The following PDE3B variants were observed in gnomAD, a reference collection of about 807,000 sequenced individuals.
PDE3B encodes the protein phosphodiesterase 3B, also known as cGMP-inhibited 3',5'-cyclic phosphodiesterase 3B.
Under a neutral mutation model 116.8 loss-of-function variants are expected in PDE3B, and 66 were observed. The ratio of observed to expected loss-of-function variants is 0.56; its 90% confidence interval spans 0.46 to 0.69. The LOEUF is 0.69. PDE3B is among the 30% of genes least tolerant of loss of function. PDE3B has a pLI of 0.00. For missense variants in PDE3B, 1,384 were observed against 1,368.1 expected (o/e 1.01, Z -0.18); for synonymous variants, 595 against 533.6 (o/e 1.12, Z -1.59).
intron 1 of PDE3B, among the ~76,000 whole-genome samples, chr11:14,761,848 C>A (rs1857367589): frequency 6.6e-6 from 1 of 151,692 alleles, no homozygotes; most frequent in Non-Finnish European, 1.5e-5. Flanking sequence ...ATAAAAATCC[C>A]AAATAAAAAT....
In PDE3B at chr11:14,789,241, A is replaced by G. The variant is rs776178880; in HGVS notation, c.1414A>G (p.Ser472Gly). The G allele has an allele frequency of 1.9e-6, 3 of 1,602,392 alleles. No individual in the cohort carries two copies. The highest frequency in any genetic ancestry group is 2.6e-6 in the Non-Finnish European group (3 of 1,174,720). The change falls in exon 4 of 16, where the codon AGT (serine) becomes GGT (glycine). Residue 472 changes from serine to glycine, a missense_variant and splice_region_variant. Around this residue, in one of 2 missense-constraint regions of PDE3B, gnomAD observed 956 missense variants for 806.8 expected, o/e 1.18. Transcript: ENST00000282096. ...KRPHQEFGIS[S>G]QGCYLNGPFN... ...ACCTCACCAAGAATTTGGCATTTCA[A>G]GGTAAAATCTGCAGAGCCTTTTAAG...
intron 12 of PDE3B, among the ~76,000 whole-genome samples, chr11:14,857,938 C>T (rs1847879265): frequency 6.6e-6 from 1 of 152,166 alleles, no homozygotes; most frequent in African/African-American, 2.4e-5. Flanking sequence ...TCGAAGCTTA[C>T]TCTTTCTGTT....
intron 1 of PDE3B, among the ~76,000 whole-genome samples, chr11:14,760,396 T>C (rs962864027): frequency 6.6e-6 from 1 of 152,202 alleles, no homozygotes; most frequent in Non-Finnish European, 1.5e-5. Context: ...CTAGATGCTA[T>C]AATCAAAGTA....
At chr11:14,645,710 T>G (rs2133739786) in intron 1 of PDE3B, among the ~76,000 whole-genome samples, 1 of 152,358 alleles carries the variant, frequency 6.6e-6, no homozygotes, top group Middle Eastern at 3.4e-3. Context: ...ACTTTAAACT[T>G]GGTAATTCCT....
At chr11:14,765,490 A>T (rs569837601) in intron 1 of PDE3B, among the ~76,000 whole-genome samples, 5 of 152,062 alleles carry the variant, frequency 3.3e-5, no homozygotes, top group Admixed American at 6.6e-5. Context: ...TAAAGAAAAA[A>T]TGAATGTAAA....
At chr11:14,771,147 G>T (rs1857631650) in intron 1 of PDE3B, among the ~76,000 whole-genome samples, 1 of 151,594 alleles carries the variant, frequency 6.6e-6, no homozygotes, top group African/African-American at 2.4e-5. Context: ...TTCAATACAG[G>T]TTCAAAGCTA....
chr11:14,889,032 A>C, the PDE3B span, among the ~76,000 whole-genome samples: 19 of 152,344 alleles, frequency 1.2e-4, no homozygotes, highest in African/African-American at 4.3e-4. Flanking sequence ...GATTGCCTTT[A>C]AAATGAATAT....
intron 1 of PDE3B, among the ~76,000 whole-genome samples, chr11:14,649,377 A>G (rs11023292): frequency 1.4e-3 from 209 of 152,342 alleles, no homozygotes; most frequent in Middle Eastern, 3.4e-3. Context: ...AAATCTGCTC[A>G]TTATATATTG....
chr11:14,818,502 T>C, intron 6 of PDE3B, 109 bp downstream of exon 6: 1 of 675,194 alleles, frequency 1.5e-6, no homozygotes, highest in South Asian at 1.9e-5. Context: ...TAAATGACCA[T>C]AGTTTTTTTC....
intron 4 of PDE3B, among the ~76,000 whole-genome samples, chr11:14,797,140 T>C (rs1229428414): frequency 6.6e-6 from 1 of 152,190 alleles, no homozygotes; most frequent in Non-Finnish European, 1.5e-5. Flanking sequence ...CCATTGCTTG[T>C]TGTGTCAGGT....
chr11:14,824,889 G>C (rs958123152), intron 7 of PDE3B, among the ~76,000 whole-genome samples: 1 of 152,018 alleles, frequency 6.6e-6, no homozygotes, highest in Non-Finnish European at 1.5e-5. Context: ...AGAAAGGGCA[G>C]GTCACCTACG....
chr11:14,701,389 T>G (rs192116288), intron 1 of PDE3B, among the ~76,000 whole-genome samples: 1 of 151,860 alleles, frequency 6.6e-6, no homozygotes, highest in East Asian at 1.9e-4. Context: ...ATTTTTAACA[T>G]AAAATTTCTG....
chr11:14,759,384 T>A (rs1023659078), intron 1 of PDE3B, among the ~76,000 whole-genome samples: 1 of 152,114 alleles, frequency 6.6e-6, no homozygotes, highest in Non-Finnish European at 1.5e-5. Context: ...TTTTTTAAAG[T>A]ACATTCTTTA....
intron 12 of PDE3B, among the ~76,000 whole-genome samples, chr11:14,854,996 C>T (rs1021091408): frequency 2.0e-5 from 3 of 151,878 alleles, no homozygotes; most frequent in African/African-American, 4.8e-5. Flanking sequence ...ATATTGCATC[C>T]ATAAAGTAAG....
intron 1 of PDE3B, among the ~76,000 whole-genome samples, chr11:14,706,306 C>G (rs1046959360): frequency 6.6e-6 from 1 of 151,694 alleles, no homozygotes; most frequent in Non-Finnish European, 1.5e-5. Context: ...TATACAGTAC[C>G]TGAAACTAAA....
At chr11:14,661,916 A>G (rs1257696023) in intron 1 of PDE3B, among the ~76,000 whole-genome samples, 1 of 152,206 alleles carries the variant, frequency 6.6e-6, no homozygotes, top group African/African-American at 2.4e-5. Context: ...ACCTCTGCAG[A>G]CTTAAATGTC....
chr11:14,802,518 T>C (rs1220627962), intron 4 of PDE3B, among the ~76,000 whole-genome samples: 2 of 152,154 alleles, frequency 1.3e-5, no homozygotes, highest in Non-Finnish European at 2.9e-5. Context: ...ACTGGGTACC[T>C]CAGTTGGAAA....
chr11:14,741,558 T>C (rs1404907004), intron 1 of PDE3B, among the ~76,000 whole-genome samples: 1 of 152,116 alleles, frequency 6.6e-6, no homozygotes, highest in Non-Finnish European at 1.5e-5. Context: ...CCAGTCCATG[T>C]CTTTTACTTG....
chr11:14,672,081 A>G (rs755748004), intron 1 of PDE3B, among the ~76,000 whole-genome samples: 1 of 148,144 alleles, frequency 6.8e-6, no homozygotes, highest in Non-Finnish European at 1.5e-5. Flanking sequence ...TATAGTGTTT[A>G]CCAGATACTA....
Sources: gnomAD v4.1 joint callset for allele counts (sites outside exome capture counted in the v4.1 genomes callset) on GRCh38, gnomAD v4.1.1 for gene constraint, gnomAD v4.1.1 regional missense constraint, MANE v1.5 for transcripts, NCBI Gene and HGNC (gene_info 2026-07-23, HGNC 2026-07-21) for gene names.